Variants in SPATS2 observed in about 807,000 individuals in gnomAD.
SPATS2 encodes spermatogenesis associated serine rich 2.
In SPATS2, 38 loss-of-function variants were observed where a neutral mutation model predicts 63.7. That is an observed-to-expected ratio of 0.60 (90% CI 0.46 to 0.78). The LOEUF is 0.78. Among genes scored for constraint, SPATS2 ranks in the 30% least tolerant of loss-of-function variants. SPATS2 has a pLI of 0.00. For missense variants in SPATS2, 588 were observed against 666.2 expected (o/e 0.88, Z 1.29); for synonymous variants, 207 against 232.9 (o/e 0.89, Z 1.01).
chr12:49,448,140 C>CCT (rs1555185467), intron 2 of SPATS2, among the ~76,000 whole-genome samples: 19 of 132,146 alleles, frequency 1.4e-4, no homozygotes, highest in Non-Finnish European at 2.3e-4. Context: ...TATTTTCTTT[C>CCT]TTTTTTTTTT....
chr12:49,468,399 A>G (rs1267830732), intron 3 of SPATS2, among the ~76,000 whole-genome samples: 2 of 151,972 alleles, frequency 1.3e-5, no homozygotes, highest in Non-Finnish European at 1.5e-5. Flanking sequence ...ACCTCAGGCT[A>G]TCTGCCTGCC....
intron 2 of SPATS2, among the ~76,000 whole-genome samples, chr12:49,434,515 G>A (rs971826225): frequency 6.6e-6 from 1 of 152,020 alleles, no homozygotes; most frequent in African/African-American, 2.4e-5. Context: ...TTTAATACAT[G>A]TTCCCATTCC....
At chr12:49,455,844 A>G (rs542809084) in intron 2 of SPATS2, among the ~76,000 whole-genome samples, 202 of 152,128 alleles carry the variant, frequency 1.3e-3, no homozygotes, top group African/African-American at 3.5e-3. Flanking sequence ...CTGGTCTCAA[A>G]CTCCTGGGCT....
At chr12:49,520,579 A>G (rs556876169) in intron 11 of SPATS2, among the ~76,000 whole-genome samples, 1 of 152,194 alleles carries the variant, frequency 6.6e-6, no homozygotes, top group African/African-American at 2.4e-5. Context: ...TGTCTCTCCA[A>G]GTGCCTAGCA....
rs1457384936 is a variant in SPATS2, at chr12:49,494,976, C to T, written c.500C>T (p.Ala167Val). The change falls in exon 7 of 14, where the codon GCC becomes GTC. Residue 167 changes from alanine (A) to valine (V), a missense_variant. By Grantham distance (64) the Ala-to-Val change is moderately conservative. Coordinates refer to ENST00000552918, the MANE Select transcript of SPATS2 (RefSeq NM_023071.4). ...AGAGAATTGGAGGATCCCGAGTCTG[C>T]CATGCTAGATACGCTGGATAGAACA... ...DARELEDPES[A>V]MLDTLDRTGS... 1 of 1,612,584 alleles carries T rather than the reference C, an allele frequency of 6.2e-7. No homozygotes were observed. Among genetic ancestry groups the T allele is most frequent in the Non-Finnish European group, 8.5e-7 (1 of 1,179,378 alleles).
chr12:49,430,891 A>G (rs913998420), intron 2 of SPATS2, among the ~76,000 whole-genome samples: 2 of 151,660 alleles, frequency 1.3e-5, no homozygotes, highest in Middle Eastern at 6.8e-3. Context: ...GTAGTGATGG[A>G]GTTTCACCAT....
At chr12:49,448,282 C>A (rs1464199577) in intron 2 of SPATS2, among the ~76,000 whole-genome samples, 1 of 151,398 alleles carries the variant, frequency 6.6e-6, no homozygotes, top group East Asian at 2.0e-4. Context: ...GGACTACAGG[C>A]ACCCGCCACC....
At chr12:49,507,448 G>A (rs1946672344) in intron 9 of SPATS2, among the ~76,000 whole-genome samples, 1 of 152,186 alleles carries the variant, frequency 6.6e-6, no homozygotes, top group Non-Finnish European at 1.5e-5. Context: ...GAGGGATGAA[G>A]TCAGAGGCTG....
chr12:49,505,999 G>T (rs997250322), intron 9 of SPATS2, among the ~76,000 whole-genome samples: 1 of 150,288 alleles, frequency 6.7e-6, no homozygotes, highest in African/African-American at 2.5e-5. Flanking sequence ...AGCATACTTT[G>T]TATACCCATA....
At chr12:49,386,132 T>C (rs1220324682) in intron 2 of SPATS2, among the ~76,000 whole-genome samples, 2 of 150,044 alleles carry the variant, frequency 1.3e-5, no homozygotes, top group Admixed American at 6.6e-5. Flanking sequence ...GCCCCCAAAG[T>C]GCTGGGATTA....
At chr12:49,471,356 T>G (rs192476634) in intron 3 of SPATS2, among the ~76,000 whole-genome samples, 9 of 152,320 alleles carry the variant, frequency 5.9e-5, no homozygotes, top group Non-Finnish European at 1.0e-4. Flanking sequence ...TATTATCTTT[T>G]GAGACAGAGC....
intron 2 of SPATS2, among the ~76,000 whole-genome samples, chr12:49,432,226 C>T (rs1468561030): frequency 1.3e-5 from 2 of 152,176 alleles, no homozygotes; most frequent in Admixed American, 6.5e-5. Flanking sequence ...GTAATCCCAG[C>T]ACTTGGGGAG....
At chr12:49,412,311 C>T (rs1944811216) in intron 2 of SPATS2, among the ~76,000 whole-genome samples, 1 of 151,990 alleles carries the variant, frequency 6.6e-6, no homozygotes, top group African/African-American at 2.4e-5. Flanking sequence ...TTTCCTGCCT[C>T]AGCCTCCCGA....
At chr12:49,403,993 G>A (rs1944652438) in intron 2 of SPATS2, among the ~76,000 whole-genome samples, 1 of 152,176 alleles carries the variant, frequency 6.6e-6, no homozygotes. Flanking sequence ...TGTGAGACTT[G>A]ACTTTTGCTA....
intron 2 of SPATS2, among the ~76,000 whole-genome samples, chr12:49,426,646 C>T (rs1350212538): frequency 6.6e-6 from 1 of 152,174 alleles, no homozygotes; most frequent in Non-Finnish European, 1.5e-5. Context: ...CGGGTACACG[C>T]CATTCTCCTG....
intron 9 of SPATS2, among the ~76,000 whole-genome samples, chr12:49,504,754 T>TTTTC (rs60002183): frequency 0.06 from 8,070 of 134,188 alleles, 904 homozygotes; most frequent in African/African-American, 0.2. Flanking sequence ...TTCCTGTTTC[T>TTTTC]TTTCTTTCTT....
chr12:49,522,676 A>C (rs12309053), intron 11 of SPATS2, 75 bp from the exon 12 acceptor site: 1 of 1,186,456 alleles, frequency 8.4e-7, no homozygotes, highest in African/African-American at 1.5e-5. Flanking sequence ...ATGATTGTTT[A>C]ATCTGTATAG....
intron 2 of SPATS2, among the ~76,000 whole-genome samples, chr12:49,436,515 C>T (rs1220169032): frequency 8.0e-6 from 1 of 124,700 alleles, no homozygotes; most frequent in South Asian, 2.5e-4. Flanking sequence ...GGCGGCTGGC[C>T]GGGCGGGGGG....
At position 49,496,997 on chromosome 12, in the gene SPATS2, A is replaced by C. The variant is rs1465620169; in HGVS notation, c.691A>C (p.Ser231Arg). The C allele has an allele frequency of 2.6e-6, 4 of 1,548,506 alleles. No homozygotes were observed. The highest frequency in any genetic ancestry group is 3.5e-6 in the Non-Finnish European group (4 of 1,150,582). Reference protein sequence around the residue: ...MGMEDVPLATSKKLSSNIEKS... With the variant: ...MGMEDVPLATRKKLSSNIEKS... ...GATGGAAGATGTTCCCCTCGCCACC[A>C]GTAAAAAGCTAAGTAAGTCAGAGGC... Residue 231 changes from serine (S) to arginine (R), a missense_variant, in exon 8 of 14, where the codon AGT becomes CGT. By Grantham distance (110) the Ser-to-Arg change is moderately radical (BLOSUM62 -1). Coordinates refer to ENST00000552918, the MANE Select transcript of SPATS2 (RefSeq NM_023071.4).
Sources: allele counts gnomAD v4.1 joint callset (sites outside exome capture counted in the v4.1 genomes callset), GRCh38; gene constraint gnomAD v4.1.1; transcripts MANE v1.5; gene names NCBI Gene and HGNC (gene_info 2026-07-23, HGNC 2026-07-21).